Variants in EYS observed in about 807,000 individuals in gnomAD.
EYS encodes EGF-like photoreceptor maintenance factor, also known as protein eyes shut homolog.
EYS carries 250 observed loss-of-function variants against 282.1 expected under a neutral mutation model. The ratio of observed to expected loss-of-function variants is 0.89; its 90% CI spans 0.80 to 0.98. The LOEUF is 0.98. Among genes scored for constraint, EYS ranks in the 50% least tolerant of loss-of-function variants. EYS has a pLI of 0.00. For missense variants in EYS, 4,016 were observed against 3,709.0 expected, an observed-to-expected ratio of 1.08 and a Z score of -2.15; for synonymous variants, 1,355 against 1,282.9, an observed-to-expected ratio of 1.06 and a Z score of -1.20.
chr6:65,546,830 C>T (rs1582440684), intron 2 of EYS, among the ~76,000 whole-genome samples: 1 of 152,100 alleles, frequency 6.6e-6, no homozygotes, highest in South Asian at 2.1e-4. Flanking sequence ...ATTGACCTCC[C>T]AAAGTGCTGG....
chr6:65,523,887 T>C (rs889899574), intron 2 of EYS, among the ~76,000 whole-genome samples: 12 of 152,172 alleles, frequency 7.9e-5, no homozygotes, highest in Non-Finnish European at 1.3e-4. Context: ...AACTTTTTGT[T>C]TGAGACAGAG....
At chr6:64,680,874 C>T (rs1769872748) in intron 22 of EYS, among the ~76,000 whole-genome samples, 1 of 152,092 alleles carries the variant, frequency 6.6e-6, no homozygotes, top group African/African-American at 2.4e-5. Flanking sequence ...AAACCCTCTC[C>T]AAGAAACTAA....
chr6:64,978,412 A>T (rs1770541923), intron 14 of EYS, among the ~76,000 whole-genome samples: 1 of 151,930 alleles, frequency 6.6e-6, no homozygotes, highest in South Asian at 2.1e-4. Flanking sequence ...AAAAGAAAAG[A>T]TTCGTTTCAA....
intron 31 of EYS, among the ~76,000 whole-genome samples, chr6:64,099,387 G>A (rs764151401): frequency 6.6e-6 from 1 of 152,096 alleles, no homozygotes; most frequent in Admixed American, 6.5e-5. Flanking sequence ...ATTCAGCAAA[G>A]CCTTTTTTTC....
At chr6:64,544,247 G>A (rs1764779856) in intron 26 of EYS, among the ~76,000 whole-genome samples, 1 of 152,158 alleles carries the variant, frequency 6.6e-6, no homozygotes. Context: ...TTTGGAATAA[G>A]TTGACAGAAA....
intron 2 of EYS, among the ~76,000 whole-genome samples, chr6:65,627,792 C>G (rs1218686578): frequency 6.6e-6 from 1 of 152,182 alleles, no homozygotes; most frequent in African/African-American, 2.4e-5. Context: ...GGGTAGGGCT[C>G]GGGACCTGCA....
intron 33 of EYS, among the ~76,000 whole-genome samples, chr6:64,017,854 G>A (rs868368141): frequency 6.6e-6 from 1 of 152,228 alleles, no homozygotes; most frequent in Admixed American, 6.5e-5. Flanking sequence ...AAACCTCTGG[G>A]CAATTTACTT....
intron 2 of EYS, among the ~76,000 whole-genome samples, chr6:65,634,908 A>G (rs9342489): frequency 0.067 from 10,200 of 152,234 alleles, 633 homozygotes; most frequent in East Asian, 0.29. Flanking sequence ...CCCAACATTA[A>G]ACTTCATTTT....
intron 37 of EYS, chr6:63,797,371 G>A (rs994378595): frequency 1.3e-5 from 2 of 152,144 alleles, no homozygotes; most frequent in South Asian, 2.1e-4. Flanking sequence ...AGACCCAAAC[G>A]AGTGAAAGTC....
At chr6:65,469,700 C>A (rs1765137697) in intron 5 of EYS, among the ~76,000 whole-genome samples, 3 of 151,890 alleles carry the variant, frequency 2.0e-5, no homozygotes, top group African/African-American at 7.3e-5. Flanking sequence ...CTGGTGAATA[C>A]CATTCAGCTC....
intron 33 of EYS, among the ~76,000 whole-genome samples, chr6:64,047,990 C>G (rs1343947959): frequency 6.6e-6 from 1 of 152,176 alleles, no homozygotes; most frequent in East Asian, 1.9e-4. Flanking sequence ...ACTGCAACCT[C>G]TGCCTCCCAG....
intron 1 of EYS, among the ~76,000 whole-genome samples, chr6:65,669,995 C>T (rs1768337902): frequency 6.9e-6 from 1 of 144,090 alleles, no homozygotes; most frequent in East Asian, 2.0e-4. Context: ...CATCATGCCT[C>T]TCTGACTCCT....
chr6:64,256,277 C>A (rs1196761039), intron 30 of EYS, among the ~76,000 whole-genome samples: 1 of 151,942 alleles, frequency 6.6e-6, no homozygotes, highest in African/African-American at 2.4e-5. Flanking sequence ...TTAAATCTTA[C>A]ATGGTAGTCA....
intron 5 of EYS, among the ~76,000 whole-genome samples, chr6:65,453,869 T>C (rs1318610139): frequency 6.6e-6 from 1 of 152,058 alleles, no homozygotes; most frequent in African/African-American, 2.4e-5. Context: ...TCATTCTTTT[T>C]GATGGCTAGA....
At chr6:64,847,730 C>A (rs551425635) in intron 19 of EYS, among the ~76,000 whole-genome samples, 168 of 152,084 alleles carry the variant, frequency 1.1e-3, no homozygotes, top group African/African-American at 3.8e-3. Flanking sequence ...AACAAAAAAA[C>A]CATACTTTTT....
intron 22 of EYS, among the ~76,000 whole-genome samples, chr6:64,641,670 A>T (rs572621020): frequency 6.6e-6 from 1 of 152,162 alleles, no homozygotes. Flanking sequence ...GAGGTCTCCA[A>T]CACCCAGGCT....
At chr6:64,135,045 G>A (rs966917425) in intron 31 of EYS, among the ~76,000 whole-genome samples, 1 of 152,058 alleles carries the variant, frequency 6.6e-6, no homozygotes, top group African/African-American at 2.4e-5. Flanking sequence ...CTTTGGAACC[G>A]AACCTGTGGT....
chr6:63,801,609 A>C lies in EYS; in HGVS notation c.7411+4581T>G, dbSNP rs537395398. Among the ~76,000 whole-genome samples the C allele has an allele frequency of 7.2e-5, 11 of 152,326 alleles. No homozygotes were observed. In the South Asian group the frequency reaches 2.1e-3, roughly 29 times the overall value. On this transcript the variant is annotated intron_variant, in intron 37 of 42. Coordinates refer to ENST00000503581, the MANE Select transcript of EYS (RefSeq NM_001142800.2). ...AGAAGAGCCAGTCTCTAAGATGTACATTACAAGAGAGTGGAGGGCAGGAAA... is the reference window on the plus strand; with the variant it reads ...AGAAGAGCCAGTCTCTAAGATGTACCTTACAAGAGAGTGGAGGGCAGGAAA...
At chr6:64,873,319 A>G (rs1766650506) in intron 19 of EYS, among the ~76,000 whole-genome samples, 1 of 152,042 alleles carries the variant, frequency 6.6e-6, no homozygotes, top group South Asian at 2.1e-4. Context: ...TGATTCAATT[A>G]CTTCTCACCG....
Sources: allele counts gnomAD v4.1 joint callset (sites outside exome capture counted in the v4.1 genomes callset), GRCh38; gene constraint gnomAD v4.1.1; transcripts MANE v1.5; gene names NCBI Gene and HGNC (gene_info 2026-07-23, HGNC 2026-07-21).